Variants in DLC1 observed in about 807,000 individuals in gnomAD.
The protein encoded by DLC1 is rho GTPase-activating protein 7.
A neutral mutation model predicts 140.3 loss-of-function variants in DLC1; 54 were observed. That is an observed-to-expected ratio of 0.38 (90% CI 0.31 to 0.48). DLC1 has a LOEUF of 0.48. Ranked by LOEUF, DLC1 falls within the 20% of genes least tolerant of loss-of-function variation. DLC1 has a pLI of 0.96. For missense variants in DLC1, 2,536 were observed against 1,907.0 expected, an observed-to-expected ratio of 1.33 and a Z score of -6.14; for synonymous variants, 986 against 728.1, an observed-to-expected ratio of 1.35 and a Z score of -5.70.
rs75551050 is a variant in DLC1, at chr8:13,278,624, C to T, written c.1348+26645G>A. ...CCTAACTCCTCCTAGGCACTGATCT[C>T]ACCTGAGTTTCCAGTCTAGATCTAT... On this transcript the variant is annotated intron_variant, in intron 5 of 17. Transcript: ENST00000276297. Among the ~76,000 whole-genome samples, 1,473 of 152,292 alleles carry T rather than the reference C, an allele frequency of 9.7e-3. 33 individuals are homozygous for T. The highest frequency in any genetic ancestry group is 0.034 in the African/African-American group (1,423 of 41,546).
intron 4 of DLC1, among the ~76,000 whole-genome samples, chr8:13,385,266 T>TAAC (rs980688030): frequency 2.0e-5 from 3 of 152,022 alleles, no homozygotes; most frequent in South Asian, 2.1e-4. Context: ...ACAACAACAG[T>TAAC]AACAACAACA....
chr8:13,571,998 G>A (rs1047047754), intron 1 of DLC1, among the ~76,000 whole-genome samples: 3 of 151,762 alleles, frequency 2.0e-5, no homozygotes, highest in Non-Finnish European at 2.9e-5. Context: ...GTTCATTTGT[G>A]TATCTCATTT....
chr8:13,475,472 G>T (rs573723239), intron 2 of DLC1, among the ~76,000 whole-genome samples: 1 of 152,140 alleles, frequency 6.6e-6, no homozygotes, highest in African/African-American at 2.4e-5. Context: ...TATTCTTAGC[G>T]TGTGCCCAGA....
At chr8:13,087,084 C>A (rs933171506) in intron 16 of DLC1, among the ~76,000 whole-genome samples, 1 of 152,176 alleles carries the variant, frequency 6.6e-6, no homozygotes, top group South Asian at 2.1e-4. Flanking sequence ...CTTTGCCCTT[C>A]CACTATGGGA....
At chr8:13,310,500 T>C (rs1832630013) in intron 4 of DLC1, among the ~76,000 whole-genome samples, 1 of 152,180 alleles carries the variant, frequency 6.6e-6, no homozygotes, top group Admixed American at 6.5e-5. Flanking sequence ...ACAGCCTCTG[T>C]CTCAGATGAG....
chr8:13,359,095 C>T (rs376323603), intron 4 of DLC1, among the ~76,000 whole-genome samples: 31 of 152,238 alleles, frequency 2.0e-4, no homozygotes, highest in African/African-American at 6.0e-4. Context: ...CCCGCCACCA[C>T]GCCCGGCTAA....
intron 3 of DLC1, among the ~76,000 whole-genome samples, chr8:13,395,750 T>C (rs1837009314): frequency 2.4e-5 from 2 of 82,278 alleles, no homozygotes; most frequent in South Asian, 8.9e-4. Context: ...TGTATGTGCA[T>C]GTGTGTGTGT....
intron 5 of DLC1, among the ~76,000 whole-genome samples, chr8:13,161,096 G>A (rs1824658910): frequency 1.3e-5 from 2 of 152,158 alleles, no homozygotes; most frequent in South Asian, 2.1e-4. Context: ...GATTTAGGGA[G>A]GTGGGAGTGG....
intron 5 of DLC1, among the ~76,000 whole-genome samples, chr8:13,240,739 A>G (rs896186341): frequency 3.9e-5 from 6 of 152,162 alleles, no homozygotes; most frequent in African/African-American, 1.2e-4. Context: ...GGCCTGGCCA[A>G]TATTTTCTTA....
At chr8:13,169,600 C>A (rs1330618883) in intron 5 of DLC1, among the ~76,000 whole-genome samples, 1 of 152,076 alleles carries the variant, frequency 6.6e-6, no homozygotes, top group African/African-American at 2.4e-5. Flanking sequence ...GTGGTTTTGG[C>A]CAAGTCTTAA....
intron 2 of DLC1, among the ~76,000 whole-genome samples, chr8:13,466,724 A>C (rs1369162684): frequency 3.9e-5 from 6 of 152,202 alleles, no homozygotes; most frequent in African/African-American, 9.7e-5. Flanking sequence ...CTCTTTCCTA[A>C]CTGATCTTCC....
At chr8:13,516,103 G>GTCTCCCTTCTACTTTATTTACA (rs1340970030), upstream of DLC1, among the ~76,000 whole-genome samples, 1 of 152,066 alleles carries the variant, frequency 6.6e-6, no homozygotes, top group Non-Finnish European at 1.5e-5. Context: ...GCTCAGTCAT[G>GTCTCCCTTCTACTTTATTTACA]TCTCCCTTCT....
At position 13,214,890 on chromosome 8, in the gene DLC1, G is replaced by C. The variant is rs559783880; in HGVS notation, c.1348+90379C>G. The C allele has an allele frequency of 6.5e-5, 44 of 681,946 alleles. No homozygotes were observed. In the African/African-American group the frequency reaches 7.6e-4, roughly 12 times the overall value. 42.2% of individuals were successfully genotyped at this position (681,946 alleles called of 1,614,324 possible). A position where few individuals can be genotyped will look rare whatever the true frequency, so the allele number is the denominator to read the frequency against. ...ATGACAGGGCTTTTGTAAGCGCCTTGCTCCATGACTGGGAATAAGATATTG... is the reference window on the plus strand; with the variant it reads ...ATGACAGGGCTTTTGTAAGCGCCTTCCTCCATGACTGGGAATAAGATATTG... On this transcript the variant is annotated intron_variant, in intron 5 of 17. Coordinates refer to ENST00000276297, the MANE Select transcript of DLC1 (RefSeq NM_182643.3).
intron 5 of DLC1, among the ~76,000 whole-genome samples, chr8:13,149,819 AG>A (rs1449354513): frequency 6.6e-6 from 1 of 152,204 alleles, no homozygotes; most frequent in Non-Finnish European, 1.5e-5. Context: ...GTGAGACCAA[AG>A]CTCCATGAAC....
At chr8:13,594,278 A>G (rs1286582836) in intron 1 of DLC1, among the ~76,000 whole-genome samples, 1 of 152,142 alleles carries the variant, frequency 6.6e-6, no homozygotes, top group African/African-American at 2.4e-5. Flanking sequence ...TTTGAAGTAT[A>G]GGCCTTTTTA....
intron 5 of DLC1, among the ~76,000 whole-genome samples, chr8:13,291,703 A>G (rs972572923): frequency 3.9e-5 from 6 of 152,210 alleles, no homozygotes; most frequent in Non-Finnish European, 8.8e-5. Flanking sequence ...GGTAAATTCT[A>G]GAAAATCACA....
rs141130459 is a variant in DLC1 at position 13,311,197 on chromosome 8, G to A, written c.1315-5895C>T. 5.4e-3 allele frequency among the ~76,000 whole-genome samples: 815 copies of A among 152,220 alleles called. 10 individuals are homozygous for A. The highest frequency in any genetic ancestry group is 0.019 in the African/African-American group (781 of 41,524). Reference sequence around the variant, plus strand: ...TCTCTGTCATTTTGCCTATGAGGACGTTGAGACCCAGACAGGTTAAGTGAC... The same window carrying A: ...TCTCTGTCATTTTGCCTATGAGGACATTGAGACCCAGACAGGTTAAGTGAC... On this transcript the variant is annotated intron_variant, in intron 4 of 17. Transcript: ENST00000276297.
intron 1 of DLC1, among the ~76,000 whole-genome samples, chr8:13,553,315 C>T (rs1192444697): frequency 6.9e-6 from 1 of 145,668 alleles, no homozygotes; most frequent in African/African-American, 2.5e-5. Flanking sequence ...GCCAATTTCT[C>T]CATGCATGTA....
chr8:13,566,882 C>T (rs1725664773), intron 1 of DLC1: 2 of 1,370,890 alleles, frequency 1.5e-6, no homozygotes, highest in Admixed American at 3.0e-5. Flanking sequence ...ACGACCTCCG[C>T]AGAGCTGATG....
Sources: allele counts gnomAD v4.1 joint callset (sites outside exome capture counted in the v4.1 genomes callset), GRCh38; gene constraint gnomAD v4.1.1; transcripts MANE v1.5; gene names NCBI Gene and HGNC (gene_info 2026-07-23, HGNC 2026-07-21).